PKHD1: variants seen among roughly 807,000 people sequenced by gnomAD.
PKHD1 encodes PKHD1 ciliary IPT domain containing fibrocystin/polyductin, also known as fibrocystin.
In PKHD1, 291 loss-of-function variants were observed where a neutral mutation model predicts 412.0. The observed-to-expected ratio is 0.71, with a 90% confidence interval of 0.64 to 0.78. The LOEUF (loss-of-function observed/expected upper bound fraction) is 0.78. Among genes scored for constraint, PKHD1 ranks in the 30% least tolerant of loss-of-function variants. The pLI is 0.00. For synonymous variants in PKHD1, 1,777 were observed against 1,821.5 expected (o/e 0.98, Z 0.62); for missense variants, 4,825 against 4,950.7 (o/e 0.97, Z 0.76).
At chr6:51,647,259 G>A (rs1375371296) in intron 63 of PKHD1, among the ~76,000 whole-genome samples, 1 of 152,142 alleles carries the variant, frequency 6.6e-6, no homozygotes, top group Non-Finnish European at 1.5e-5. Flanking sequence ...GTGTGTGAGA[G>A]GGTTAAATAG....
At chr6:51,936,925 G>A (rs940648143) in intron 36 of PKHD1, among the ~76,000 whole-genome samples, 3 of 152,134 alleles carry the variant, frequency 2.0e-5, no homozygotes, top group African/African-American at 7.2e-5. Context: ...GTCTCTTGTG[G>A]GGAAAATCTA....
rs1271131428 is a variant in PKHD1 at position 51,619,136 on chromosome 6, G to A, written c.12170C>T (p.Thr4057Ile). 2 of 1,614,246 alleles carry A rather than the reference G, an allele frequency of 1.2e-6. No homozygotes were observed. The highest frequency in any genetic ancestry group is 1.7e-6 in the Non-Finnish European group (2 of 1,180,042). ...SQEKKASCGA[T>I]EAFCLHSVHP... ...TACTGAATGAAGGCAGAATGCCTCAGTGGCCCCGCAGGAGGCTTTCTTCTC... is the reference window on the plus strand; with the variant it reads ...TACTGAATGAAGGCAGAATGCCTCAATGGCCCCGCAGGAGGCTTTCTTCTC... Residue 4057 changes from threonine (T) to isoleucine (I), a missense_variant, in exon 67 of 67, where the codon ACT becomes ATT. By Grantham distance (89) the Thr-to-Ile change is moderately conservative. Transcript: ENST00000371117.
intron 64 of PKHD1, among the ~76,000 whole-genome samples, chr6:51,637,450 G>A (rs1182348051): frequency 1.3e-5 from 2 of 152,128 alleles, no homozygotes; most frequent in Non-Finnish European, 2.9e-5. Context: ...TGACTCTCAT[G>A]AAAACATATA....
intron 60 of PKHD1, among the ~76,000 whole-genome samples, chr6:51,675,638 G>GA (rs1775716255): frequency 1.3e-5 from 2 of 152,152 alleles, no homozygotes; most frequent in East Asian, 1.9e-4. Context: ...AGAGAAGAAG[G>GA]AAAAAAGCGA....
At chr6:51,637,604 T>TTA (rs767118108) in intron 64 of PKHD1, among the ~76,000 whole-genome samples, 3 of 128,926 alleles carry the variant, frequency 2.3e-5, no homozygotes, top group Admixed American at 7.6e-5. Flanking sequence ...AGTCTTTTTG[T>TTA]TAAAAAAAAA....
At chr6:51,921,936 C>T (rs568667947) in intron 37 of PKHD1, among the ~76,000 whole-genome samples, 7 of 152,360 alleles carry the variant, frequency 4.6e-5, no homozygotes, top group African/African-American at 1.7e-4. Flanking sequence ...TCTGTCAACT[C>T]ATCAAAGTCA....
rs1766261355 is a variant in PKHD1 at position 51,618,769 on chromosome 6, A to G, written c.*312T>C. 2.5e-6 allele frequency: 1 copy of G among 400,970 alleles called. No homozygotes were observed. The highest frequency in any genetic ancestry group is 4.7e-6 in the Non-Finnish European group (1 of 212,714). 24.8% of individuals were successfully genotyped at this position (400,970 alleles called of 1,614,324 possible). On this transcript the variant is annotated 3_prime_UTR_variant, in exon 67 of 67. Coordinates refer to ENST00000371117, the MANE Select transcript of PKHD1 (RefSeq NM_138694.4). ...ATGCTTAATAATAACCCCTGCTGGT[A>G]TAAGTCAGTATTACACCATTATCAA...
intron 52 of PKHD1, among the ~76,000 whole-genome samples, chr6:51,809,952 G>A (rs1472580886): frequency 6.7e-6 from 1 of 149,974 alleles, no homozygotes; most frequent in Non-Finnish European, 1.5e-5. Context: ...TTTTTTTCAT[G>A]TACTATTGCA....
At chr6:51,708,322 A>G (rs1384169967) in intron 60 of PKHD1, among the ~76,000 whole-genome samples, 1 of 152,120 alleles carries the variant, frequency 6.6e-6, no homozygotes, top group East Asian at 1.9e-4. Flanking sequence ...TTCTCATGTA[A>G]TCATCCTCAT....
chr6:51,724,966 A>T (rs1258761634), intron 60 of PKHD1, among the ~76,000 whole-genome samples: 1 of 152,160 alleles, frequency 6.6e-6, no homozygotes, highest in Non-Finnish European at 1.5e-5. Context: ...CCTAGCTGTG[A>T]GGTTATAGGA....
At chr6:51,893,237 A>C (rs1210871807) in intron 43 of PKHD1, among the ~76,000 whole-genome samples, 1 of 152,220 alleles carries the variant, frequency 6.6e-6, no homozygotes, top group Non-Finnish European at 1.5e-5. Context: ...AAGATTCTTA[A>C]ATTTAAAAAA....
At chr6:51,966,184 T>C (rs1016442625) in intron 35 of PKHD1, among the ~76,000 whole-genome samples, 4 of 152,156 alleles carry the variant, frequency 2.6e-5, no homozygotes, top group African/African-American at 4.8e-5. Flanking sequence ...CCTGATGACA[T>C]GTGCCCAAGG....
intron 66 of PKHD1, chr6:51,622,408 GC>G (rs1411368279): frequency 1.1e-4 from 16 of 152,244 alleles, no homozygotes; most frequent in African/African-American, 3.9e-4. Flanking sequence ...AGTACAGAAA[GC>G]CTGGACTTTT....
At chr6:51,867,638 A>G (rs1222078716) in intron 48 of PKHD1, among the ~76,000 whole-genome samples, 1 of 152,170 alleles carries the variant, frequency 6.6e-6, no homozygotes, top group African/African-American at 2.4e-5. Context: ...GTCACAAGCT[A>G]TGAGATCTGG....
At chr6:51,840,730 A>G (rs1416667669) in intron 50 of PKHD1, among the ~76,000 whole-genome samples, 1 of 152,214 alleles carries the variant, frequency 6.6e-6, no homozygotes, top group African/African-American at 2.4e-5. Context: ...GTTTGTTCTC[A>G]GGAGCAGGTG....
chr6:52,087,252 C>G (rs1054292642), intron 1 of PKHD1, among the ~76,000 whole-genome samples, 182 bp downstream of exon 1: 1 of 152,174 alleles, frequency 6.6e-6, no homozygotes, highest in East Asian at 1.9e-4. Context: ...CCTCTCTCTG[C>G]TCTCACTCCC....
intron 60 of PKHD1, among the ~76,000 whole-genome samples, chr6:51,675,855 C>T (rs1775751534): frequency 6.6e-6 from 1 of 152,196 alleles, no homozygotes; most frequent in Non-Finnish European, 1.5e-5. Flanking sequence ...TCCAGAAGCT[C>T]TTCTCTAAGT....
chr6:52,073,454 C>T lies in PKHD1; in HGVS notation c.527+9G>A. On this transcript the variant is annotated intron_variant, in intron 7 of 66. Coordinates refer to ENST00000371117, the MANE Select transcript of PKHD1 (RefSeq NM_138694.4). ...AACTAGTTAAACACAAAAACAAACA[C>T]ACACTTACCTATCAATGTACTCAGC... 6.4e-7 allele frequency: 1 copy of T among 1,570,766 alleles called. No homozygotes were observed. The highest frequency in any genetic ancestry group is 8.8e-7 in the Non-Finnish European group (1 of 1,140,724).
chr6:52,024,965 C>A lies in PKHD1; in HGVS notation c.4845G>T (p.Thr1615=). Residue 1615 remains threonine (T), a synonymous_variant, in exon 32 of 67, where the codon ACG becomes ACT. Coordinates refer to ENST00000371117, the MANE Select transcript of PKHD1 (RefSeq NM_138694.4). ...SVYIDQQTCL[T]VNIGAELIRC... is the part of the protein sequence containing the mutation. Reference sequence around the variant, plus strand: ...GGATGAGCTCAGCACCGATGTTCACCGTCAGGCAGGTCTGCTGGTCAATAT... The same window carrying A: ...GGATGAGCTCAGCACCGATGTTCACAGTCAGGCAGGTCTGCTGGTCAATAT... The A allele has an allele frequency of 1.2e-6, 2 of 1,614,196 alleles. No homozygotes were observed. Among genetic ancestry groups the A allele is most frequent in the South Asian group, 2.2e-5 (2 of 91,084 alleles).
Sources: allele counts gnomAD v4.1 joint callset (sites outside exome capture counted in the v4.1 genomes callset), GRCh38; gene constraint gnomAD v4.1.1; transcripts MANE v1.5; gene names NCBI Gene and HGNC (gene_info 2026-07-23, HGNC 2026-07-21).